RAB10: variants seen among roughly 807,000 people sequenced by gnomAD.
RAB10 encodes the protein ras-related protein Rab-10.
In RAB10, 5 loss-of-function variants were observed where a neutral mutation model predicts 25.7. That is an observed-to-expected ratio of 0.19 (90% CI 0.10 to 0.41). The LOEUF is 0.41. Among genes scored for constraint, RAB10 ranks in the 10% least tolerant of loss-of-function variants. The pLI is 1.00. For missense variants in RAB10, 103 were observed against 245.8 expected, an observed-to-expected ratio of 0.42 and a Z score of 3.89; for synonymous variants, 89 against 86.4, an observed-to-expected ratio of 1.03 and a Z score of -0.16.
rs79370875 is a variant in RAB10 at position 26,049,749 on chromosome 2, C to T, written c.127+15014C>T. Among the ~76,000 whole-genome samples the T allele has an allele frequency of 1.4e-4, 22 of 152,190 alleles. No homozygotes were observed. In the East Asian group the frequency reaches 4.2e-3, roughly 29 times the overall value. On this transcript the variant is annotated intron_variant, in intron 1 of 5. Transcript: ENST00000264710. The stretch of plus-strand genomic sequence containing the variant: ...TCTCATCCCGCTCTCTGTTTCAGTT[C>T]TTTGTTAAAATGGTATGCAGTGGTT...
In RAB10 at chr2:26,134,925, G is replaced by A; in HGVS notation, c.520-13G>A. 1.9e-6 allele frequency: 3 copies of A among 1,598,312 alleles called. No homozygotes were observed. The highest frequency in any genetic ancestry group is 2.6e-6 in the Non-Finnish European group (3 of 1,167,668). On this transcript the variant is annotated splice_polypyrimidine_tract_variant and intron_variant, in intron 5 of 5. Coordinates refer to ENST00000264710, the MANE Select transcript of RAB10 (RefSeq NM_016131.5). ...TTTTTTCATGAGTTATTTTCCTTGTGTGTTTGTTGCAGACCCCTGTAAAAG... is the reference window on the plus strand; with the variant it reads ...TTTTTTCATGAGTTATTTTCCTTGTATGTTTGTTGCAGACCCCTGTAAAAG...
chr2:26,055,902 T>C (rs60534336), intron 1 of RAB10, among the ~76,000 whole-genome samples: 5,222 of 143,492 alleles, frequency 0.036, 298 homozygotes, highest in African/African-American at 0.12. Flanking sequence ...AACTTTTTTT[T>C]CTTTTTTTTT....
intron 1 of RAB10, among the ~76,000 whole-genome samples, chr2:26,068,773 A>T (rs183457151): frequency 5.5e-4 from 84 of 152,336 alleles, no homozygotes; most frequent in African/African-American, 2.0e-3. Context: ...AGTCTTGCTG[A>T]GTCATTTCCT....
intron 1 of RAB10, among the ~76,000 whole-genome samples, chr2:26,065,862 T>A (rs1043333427): frequency 1.3e-5 from 2 of 152,244 alleles, no homozygotes; most frequent in East Asian, 3.8e-4. Flanking sequence ...CATATAGTTA[T>A]GAGTAATGTA....
At chr2:26,129,219 G>A (rs572686472) in intron 5 of RAB10, among the ~76,000 whole-genome samples, 5 of 146,370 alleles carry the variant, frequency 3.4e-5, no homozygotes, top group African/African-American at 7.8e-5. Context: ...GCAGTGAGCC[G>A]AGATCACGCC....
chr2:26,116,423 G>A (rs1201536372), intron 3 of RAB10, among the ~76,000 whole-genome samples: 2 of 151,844 alleles, frequency 1.3e-5, no homozygotes, highest in Non-Finnish European at 2.9e-5. Flanking sequence ...CTTTGTATAT[G>A]TCTGTTTCAC....
At chr2:26,034,833 G>C in intron 1 of RAB10, 98 bp downstream of exon 1, 3 of 1,503,346 alleles carry the variant, frequency 2.0e-6, no homozygotes, top group Non-Finnish European at 2.7e-6. Flanking sequence ...CTTTGTTTCA[G>C]TGATTCCGAT....
chr2:26,054,845 A>T (rs1010112290), intron 1 of RAB10, among the ~76,000 whole-genome samples: 19 of 151,990 alleles, frequency 1.3e-4, no homozygotes, highest in African/African-American at 4.4e-4. Context: ...ACCAAGTCTG[A>T]TGGCACACGC....
intron 1 of RAB10, among the ~76,000 whole-genome samples, chr2:26,089,735 T>C (rs1667064807): frequency 6.6e-6 from 1 of 152,228 alleles, no homozygotes; most frequent in African/African-American, 2.4e-5. Context: ...AGAAACACTC[T>C]TCTTGTTATG....
chr2:26,123,383 ACAT>A (rs1667844129), intron 3 of RAB10, among the ~76,000 whole-genome samples: 1 of 152,206 alleles, frequency 6.6e-6, no homozygotes, highest in Admixed American at 6.5e-5. Flanking sequence ...CCTCAATAGA[ACAT>A]CATGAAAATC....
intron 3 of RAB10, among the ~76,000 whole-genome samples, chr2:26,118,603 TAGAC>T (rs769614409): frequency 1.1e-4 from 16 of 152,326 alleles, no homozygotes; most frequent in Middle Eastern, 3.4e-3. Flanking sequence ...TATTTAATGA[TAGAC>T]AGTGATCTCT....
chr2:26,073,840 A>G (rs1666678114), intron 1 of RAB10, among the ~76,000 whole-genome samples: 1 of 152,252 alleles, frequency 6.6e-6, no homozygotes, highest in African/African-American at 2.4e-5. Context: ...GGATGTAGAT[A>G]AGATTTGACT....
intron 2 of RAB10, among the ~76,000 whole-genome samples, chr2:26,106,561 A>G (rs1374311817): frequency 6.6e-6 from 1 of 152,180 alleles, no homozygotes; most frequent in Non-Finnish European, 1.5e-5. Flanking sequence ...TCCTATTTGA[A>G]ATTAACTCAA....
chr2:26,070,418 A>C (rs1003066292), intron 1 of RAB10, among the ~76,000 whole-genome samples: 2 of 152,322 alleles, frequency 1.3e-5, no homozygotes, highest in East Asian at 1.9e-4. Context: ...TAAAGTGACT[A>C]TCTTTTTGAA....
At chr2:26,078,409 C>G (rs1453473292) in intron 1 of RAB10, among the ~76,000 whole-genome samples, 1 of 152,150 alleles carries the variant, frequency 6.6e-6, no homozygotes, top group African/African-American at 2.4e-5. Context: ...TTCCTGATTT[C>G]AGTGCTTAAA....
At chr2:26,082,032 G>A (rs1666880842) in intron 1 of RAB10, among the ~76,000 whole-genome samples, 1 of 152,106 alleles carries the variant, frequency 6.6e-6, no homozygotes, top group Non-Finnish European at 1.5e-5. Flanking sequence ...TGGTAAAAAT[G>A]TGTGGAAATA....
intron 1 of RAB10, among the ~76,000 whole-genome samples, chr2:26,086,496 A>G (rs1198174099): frequency 6.6e-6 from 1 of 152,226 alleles, no homozygotes; most frequent in Non-Finnish European, 1.5e-5. Flanking sequence ...GAGCCCTTAT[A>G]CGTTGCTCAT....
rs1668088430 is a variant in RAB10, at chr2:26,135,299, TTC to T, written c.*280_*281del. 3.1e-6 allele frequency: 1 copy of T among 319,672 alleles called. No individual in the cohort carries two copies. Among genetic ancestry groups the T allele is most frequent in the South Asian group, 7.4e-5 (1 of 13,484 alleles). The allele number at this position is 319,672 out of a possible 1,614,324, so 19.8% of individuals were successfully genotyped here. ...GCATTTCAGTTGTATTATAGTCCAG[TTC>T]TTATCAACATTAAAACCTATAGCAA... On this transcript the variant is annotated 3_prime_UTR_variant, in exon 6 of 6. Transcript: ENST00000264710.
chr2:26,114,214 C>G (rs1053017251), intron 3 of RAB10, among the ~76,000 whole-genome samples: 1 of 151,828 alleles, frequency 6.6e-6, no homozygotes, highest in Non-Finnish European at 1.5e-5. Context: ...TTTAAAAATT[C>G]CCCCCCGTAG....
Sources: gnomAD v4.1 joint callset for allele counts (sites outside exome capture counted in the v4.1 genomes callset) on GRCh38, gnomAD v4.1.1 for gene constraint, MANE v1.5 for transcripts, NCBI Gene and HGNC (gene_info 2026-07-23, HGNC 2026-07-21) for gene names.